The following NBPF15 variants were observed in gnomAD, a reference collection of about 807,000 sequenced individuals.
NBPF15 encodes the protein NBPF family member NBPF15.
A neutral mutation model predicts 62.2 loss-of-function variants in NBPF15; 74 were observed. The ratio of observed to expected loss-of-function variants is 1.19; its 90% CI spans 0.99 to 1.44. The LOEUF (loss-of-function observed/expected upper bound fraction) is 1.44, where lower values mean the gene tolerates loss of function less well. NBPF15 is among the 40% of genes most tolerant of loss of function. The pLI is 0.00. For missense variants in NBPF15, 790 were observed against 550.0 expected, an observed-to-expected ratio of 1.44 and a Z score of -4.36; for synonymous variants, 244 against 209.7, an observed-to-expected ratio of 1.16 and a Z score of -1.41.
chr1:144,442,487 G>A (rs1684242336), intron 6 of NBPF15: 1 of 149,388 alleles, frequency 6.7e-6, no homozygotes, highest in South Asian at 2.1e-4. Flanking sequence ...CAGAGTCGTG[G>A]CGAGGAGGAC....
At chr1:144,439,124 C>T (rs1295787027) in intron 8 of NBPF15, among the ~76,000 whole-genome samples, 1 of 151,828 alleles carries the variant, frequency 6.6e-6, no homozygotes, top group Non-Finnish European at 1.5e-5. Context: ...GGGGTGATTA[C>T]AGTCACCTGC....
At chr1:144,447,178 C>A (rs1338796879) in intron 6 of NBPF15, among the ~76,000 whole-genome samples, 2 of 152,302 alleles carry the variant, frequency 1.3e-5, no homozygotes, top group South Asian at 4.1e-4. Flanking sequence ...CATGCAGCAT[C>A]TCCCGCCATG....
At chr1:144,426,234 G>A in intron 18 of NBPF15, 44 bp downstream of exon 18, 1 of 574,130 alleles carries the variant, frequency 1.7e-6, no homozygotes, top group South Asian at 2.0e-5. Context: ...CCCCTATCTG[G>A]AAGACCAGGT....
Position 144,422,786 on chromosome 1 carries a change from C to A in NBPF15, c.*227G>T. Reference sequence around the variant, plus strand: ...ATTAAAATGTCTGACTGATCACTCCCGGCATGTTCTGCACAGTTATGTGAA... The same window carrying A: ...ATTAAAATGTCTGACTGATCACTCCAGGCATGTTCTGCACAGTTATGTGAA... On this transcript the variant is annotated 3_prime_UTR_variant, in exon 22 of 22. Transcript: ENST00000581897. 1 of 1,087,828 alleles carries A rather than the reference C, an allele frequency of 9.2e-7. No individual in the cohort carries two copies. The highest frequency in any genetic ancestry group is 1.3e-6 in the Non-Finnish European group (1 of 768,748). The allele number at this position is 1,087,828 out of a possible 1,614,324, so 67.4% of individuals were successfully genotyped here.
chr1:144,442,219 A>AACGTG (rs1683870846), intron 6 of NBPF15, among the ~76,000 whole-genome samples: 2 of 105,610 alleles, frequency 1.9e-5, no homozygotes, highest in African/African-American at 9.1e-5. Flanking sequence ...AATATATATA[A>AACGTG]TATATATATT....
chr1:144,455,850 G>C (rs1281648337), intron 4 of NBPF15, among the ~76,000 whole-genome samples: 6 of 151,922 alleles, frequency 3.9e-5, no homozygotes, highest in Non-Finnish European at 5.9e-5. Context: ...GCCCAGAGCA[G>C]GGCATGGTAC....
At chr1:144,445,337 A>G in intron 6 of NBPF15, among the ~76,000 whole-genome samples, 1 of 115,902 alleles carries the variant, frequency 8.6e-6, no homozygotes, top group African/African-American at 3.9e-5. Context: ...CGGTGAATAT[A>G]TATATATATA....
At chr1:144,447,173 A>G (rs587636686) in intron 6 of NBPF15, among the ~76,000 whole-genome samples, 38 of 152,374 alleles carry the variant, frequency 2.5e-4, no homozygotes, top group African/African-American at 6.7e-4. Flanking sequence ...AAATCCATGC[A>G]GCATCTCCCG....
rs1488222381 is a variant in NBPF15, at chr1:144,423,366, G to A, written c.1770-110C>T. On this transcript the variant is annotated intron_variant, in intron 21 of 21. Transcript: ENST00000581897. ...AAGTGGTTAGAAAAGAAAAAGGATA[G>A]ATTCATTAATGAGGTAAAAAAAAAA... 25 of 1,597,198 alleles carry A rather than the reference G, an allele frequency of 1.6e-5. 1 individual carries two copies. Among genetic ancestry groups the A allele is most frequent in the Non-Finnish European group, 1.9e-5 (22 of 1,175,632 alleles).
At chr1:144,423,729 G>A in intron 21 of NBPF15, 141 bp downstream of exon 21, 4 of 684,924 alleles carry the variant, frequency 5.8e-6, no homozygotes, top group East Asian at 4.9e-5. Context: ...AACATCTACT[G>A]CAATGAAAAC....
chr1:144,425,200 G>A (rs1553539063), intron 19 of NBPF15, among the ~76,000 whole-genome samples: 1 of 130,666 alleles, frequency 7.7e-6, no homozygotes. Flanking sequence ...AGTGCCCTCA[G>A]GACACACAGC....
In NBPF15 at chr1:144,461,474, C is replaced by A. The variant is rs1653046033; in HGVS notation, c.-1031G>T. The A allele has an allele frequency of 1.3e-5, 2 of 152,632 alleles. No homozygotes were observed. The highest frequency in any genetic ancestry group is 1.3e-4 in the Admixed American group (2 of 15,284). 9.5% of individuals were successfully genotyped at this position (152,632 alleles called of 1,614,324 possible). ...TTCCCATCCAGACGGCATCCGTGCG[C>A]CACGCCTCGGCCCGCTCCTGGCGCC... is the stretch of plus-strand genomic sequence containing the variant. On this transcript the variant is annotated 5_prime_UTR_variant, in exon 1 of 22. Transcript: ENST00000581897.
chr1:144,447,689 C>T (rs1241151710), intron 6 of NBPF15, among the ~76,000 whole-genome samples: 1 of 152,020 alleles, frequency 6.6e-6, no homozygotes, highest in Non-Finnish European at 1.5e-5. Flanking sequence ...CAAGTCTGTG[C>T]TCATATTCAG....
intron 21 of NBPF15, among the ~76,000 whole-genome samples, chr1:144,423,594 G>A (rs1438657308): frequency 1.3e-5 from 2 of 151,944 alleles, no homozygotes; most frequent in Non-Finnish European, 2.9e-5. Flanking sequence ...AAAAGAGTGA[G>A]CTCAATAGTT....
At chr1:144,443,108 C>A (rs1684781579) in intron 6 of NBPF15, 1 of 155,452 alleles carries the variant, frequency 6.4e-6, no homozygotes, top group African/African-American at 2.4e-5. Context: ...CCCCACACAC[C>A]TTATTGCTGC....
intron 6 of NBPF15, among the ~76,000 whole-genome samples, chr1:144,442,099 C>T (rs587729653): frequency 3.7e-5 from 4 of 108,518 alleles, no homozygotes; most frequent in African/African-American, 7.2e-5. Context: ...ACATGGCACA[C>T]GTGTATATAT....
intron 8 of NBPF15, among the ~76,000 whole-genome samples, chr1:144,438,321 C>T (rs1439639283): frequency 1.3e-5 from 2 of 151,116 alleles, no homozygotes; most frequent in Non-Finnish European, 2.9e-5. Context: ...AATTCACAGT[C>T]CCTGAGGTCT....
intron 5 of NBPF15, 30 bp downstream of exon 5, chr1:144,450,741 GA>G (rs1382671245): frequency 1.7e-6 from 1 of 586,828 alleles, no homozygotes; most frequent in Non-Finnish European, 2.1e-6. Flanking sequence ...ACCAATCAAT[GA>G]AAGAACTACA....
chr1:144,448,275 T>C (rs534376), intron 6 of NBPF15, among the ~76,000 whole-genome samples: 41 of 150,632 alleles, frequency 2.7e-4, no homozygotes, highest in African/African-American at 5.9e-4. Context: ...GGTTTCTTTT[T>C]GGCTACTTTG....
Sources: gnomAD v4.1 joint callset for allele counts (sites outside exome capture counted in the v4.1 genomes callset) on GRCh38, gnomAD v4.1.1 for gene constraint, MANE v1.5 for transcripts, NCBI Gene and HGNC (gene_info 2026-07-23, HGNC 2026-07-21) for gene names.